LMNTD1: variants seen among roughly 807,000 people sequenced by gnomAD.
The protein encoded by LMNTD1 is lamin tail domain-containing protein 1.
A neutral mutation model predicts 50.9 loss-of-function variants in LMNTD1; 35 were observed. The observed-to-expected ratio is 0.69, with a 90% confidence interval of 0.53 to 0.91. LMNTD1 has a LOEUF of 0.91. LMNTD1 is among the 40% of genes least tolerant of loss of function. The pLI is 0.00. For synonymous variants in LMNTD1, 153 were observed against 161.9 expected (o/e 0.94, Z 0.42); for missense variants, 470 against 475.5 (o/e 0.99, Z 0.11).
At chr12:25,502,407 T>G (rs1939443781) in intron 9 of LMNTD1, among the ~76,000 whole-genome samples, 1 of 152,196 alleles carries the variant, frequency 6.6e-6, no homozygotes. Flanking sequence ...TACTAAAGCT[T>G]ATGACAACTG....
intron 3 of LMNTD1, 64 bp downstream of exon 3, chr12:25,549,262 T>C (rs540331705): frequency 6.6e-5 from 55 of 836,480 alleles, no homozygotes; most frequent in Non-Finnish European, 9.3e-5. Context: ...GAGTCATATA[T>C]GCAATCTATT....
chr12:25,547,621 A>T (rs1182761585), intron 3 of LMNTD1, among the ~76,000 whole-genome samples: 3 of 151,824 alleles, frequency 2.0e-5, no homozygotes, highest in African/African-American at 4.8e-5. Flanking sequence ...CAGATTCCTC[A>T]AAGTATTTTG....
At chr12:25,543,449 G>C (rs1290743091) in intron 4 of LMNTD1, among the ~76,000 whole-genome samples, 1 of 151,788 alleles carries the variant, frequency 6.6e-6, no homozygotes, top group Admixed American at 6.6e-5. Flanking sequence ...AAAGTGAAGG[G>C]ATGTTTAACA....
intron 9 of LMNTD1, among the ~76,000 whole-genome samples, chr12:25,478,225 T>C (rs574499991): frequency 9.2e-5 from 14 of 152,290 alleles, no homozygotes; most frequent in Admixed American, 2.0e-4. Context: ...GTCCACCCTT[T>C]GTCAACTTGA....
intron 8 of LMNTD1, among the ~76,000 whole-genome samples, chr12:25,509,806 G>A (rs970189959): frequency 2.6e-5 from 4 of 152,166 alleles, no homozygotes; most frequent in Admixed American, 1.3e-4. Context: ...AAATTACAGC[G>A]ATGGATCAAC....
rs1946610181 is a variant in LMNTD1 at position 25,627,281 on chromosome 12, T to G, written c.58+21213A>C. 2.0e-5 allele frequency among the ~76,000 whole-genome samples: 3 copies of G among 152,212 alleles called. 1 individual carries two copies. In the South Asian group the frequency reaches 6.2e-4, roughly 32 times the overall value. On this transcript the variant is annotated intron_variant, in intron 1 of 7. Coordinates refer to the LMNTD1 transcript ENST00000445693. ...CTGAAAGGCATCCATGGAGGGAGGT[T>G]TGTTCTTTTTTTCTTTCAGTTCTTT...
chr12:25,489,582 A>T (rs141945151), intron 9 of LMNTD1, among the ~76,000 whole-genome samples: 1 of 146,920 alleles, frequency 6.8e-6, no homozygotes, highest in African/African-American at 2.5e-5. Context: ...AGAAATCACC[A>T]GTCTTCTGCG....
chr12:25,534,709 A>G (rs1325655451), intron 4 of LMNTD1, among the ~76,000 whole-genome samples: 2 of 152,228 alleles, frequency 1.3e-5, no homozygotes, highest in African/African-American at 4.8e-5. Context: ...TGAAGCTGTC[A>G]CAGGGTAAGG....
At chr12:25,584,118 G>C (rs1157252985) in intron 1 of LMNTD1, among the ~76,000 whole-genome samples, 1 of 152,150 alleles carries the variant, frequency 6.6e-6, no homozygotes, top group Non-Finnish European at 1.5e-5. Context: ...GATAGGAAGT[G>C]TAAGAGGAAA....
chr12:25,551,316 T>A (rs778782086), intron 2 of LMNTD1, among the ~76,000 whole-genome samples: 2 of 152,218 alleles, frequency 1.3e-5, no homozygotes, highest in Admixed American at 6.5e-5. Context: ...TAACAAAATC[T>A]TTGCAATCAC....
At chr12:25,619,256 A>C (rs79617122) in intron 1 of LMNTD1, among the ~76,000 whole-genome samples, 2,066 of 58,570 alleles carry the variant, frequency 0.035, 19 homozygotes, top group African/African-American at 0.1. Context: ...CTCTCTCTAT[A>C]TATATATATA....
At position 25,626,958 on chromosome 12, in the gene LMNTD1, C is replaced by A. The variant is rs185671229; in HGVS notation, c.58+21536G>T. 2.3e-3 allele frequency among the ~76,000 whole-genome samples: 343 copies of A among 152,320 alleles called. 4 individuals are homozygous for A. The highest frequency in any genetic ancestry group is 6.9e-4 in the Non-Finnish European group (47 of 68,030). ...TAAGGAAATGTTTGATGCACTCTTG[C>A]ACTGTTTTTATAGAATAGTAGTAAA... On this transcript the variant is annotated intron_variant, in intron 1 of 7. Transcript: ENST00000445693.
chr12:25,580,814 G>A (rs1023734760), intron 1 of LMNTD1, among the ~76,000 whole-genome samples: 11 of 152,138 alleles, frequency 7.2e-5, no homozygotes, highest in Non-Finnish European at 1.2e-4. Context: ...CAGACAAACC[G>A]GAAATTGAAT....
At position 25,579,139 on chromosome 12, in the gene LMNTD1, G is replaced by C. The variant is rs1297286409; in HGVS notation, c.59-32585C>G. ...CTCCTTCCTAGGCTATGAGTTATCT[G>C]TCAAGTAAGTGTAAATATACACAGT... On this transcript the variant is annotated intron_variant, in intron 1 of 7. Transcript: ENST00000445693. 2.0e-5 allele frequency among the ~76,000 whole-genome samples: 3 copies of C among 152,168 alleles called. 1 individual carries two copies. The highest frequency in any genetic ancestry group is 4.4e-5 in the Non-Finnish European group (3 of 68,028).
intron 4 of LMNTD1, among the ~76,000 whole-genome samples, chr12:25,542,863 G>T (rs1396170539): frequency 6.6e-6 from 1 of 151,524 alleles, no homozygotes; most frequent in Admixed American, 6.6e-5. Context: ...CATGTTCTTT[G>T]AGGAGCTCAA....
chr12:25,634,552 C>T (rs886124257), intron 1 of LMNTD1, among the ~76,000 whole-genome samples: 1 of 152,102 alleles, frequency 6.6e-6, no homozygotes, highest in South Asian at 2.1e-4. Flanking sequence ...ATGTGATACA[C>T]CCCATAAACA....
intron 9 of LMNTD1, among the ~76,000 whole-genome samples, chr12:25,490,316 TA>T (rs35666228): frequency 0.22 from 33,886 of 152,152 alleles, 4,457 homozygotes; most frequent in East Asian, 0.65. Context: ...TTGACCATAA[TA>T]TTTTTTTTAA....
At chr12:25,545,454 T>C (rs1171225053) in intron 4 of LMNTD1, among the ~76,000 whole-genome samples, 2 of 151,706 alleles carry the variant, frequency 1.3e-5, no homozygotes, top group Non-Finnish European at 3.0e-5. Flanking sequence ...ATTTGAGTTC[T>C]GAGATACTGC....
chr12:25,519,389 A>G (rs1481396268), intron 7 of LMNTD1, among the ~76,000 whole-genome samples: 3 of 150,572 alleles, frequency 2.0e-5, no homozygotes, highest in Non-Finnish European at 4.5e-5. Context: ...GATCGAGACC[A>G]TCCTGGCTAA....
Sources: gnomAD v4.1 joint callset for allele counts (sites outside exome capture counted in the v4.1 genomes callset) on GRCh38, gnomAD v4.1.1 for gene constraint, MANE v1.5 for transcripts, NCBI Gene and HGNC (gene_info 2026-07-23, HGNC 2026-07-21) for gene names.